CHEK1: variants seen among roughly 807,000 people sequenced by gnomAD.
CHEK1 encodes checkpoint kinase 1.
Under a neutral mutation model 60.2 loss-of-function variants are expected in CHEK1, and 32 were observed. The ratio of observed to expected loss-of-function variants is 0.53; its 90% CI spans 0.40 to 0.71. The LOEUF is 0.71. Ranked by LOEUF, CHEK1 falls within the 30% of genes least tolerant of loss-of-function variation. The pLI is 0.00. For missense variants in CHEK1, 399 were observed against 564.6 expected (o/e 0.71, Z 2.97); for synonymous variants, 179 against 187.2 (o/e 0.96, Z 0.36).
At chr11:125,646,388 G>A (rs1473676949) in intron 11 of CHEK1, among the ~76,000 whole-genome samples, 1 of 151,974 alleles carries the variant, frequency 6.6e-6, no homozygotes, top group Non-Finnish European at 1.5e-5. Flanking sequence ...TGGACATTTG[G>A]GTTGTTTCTA....
At chr11:125,639,548 T>C (rs1029233625) in intron 8 of CHEK1, among the ~76,000 whole-genome samples, 1 of 151,994 alleles carries the variant, frequency 6.6e-6, no homozygotes, top group Non-Finnish European at 1.5e-5. Context: ...GGCTAATTTT[T>C]ATATTTTTAG....
At chr11:125,667,083 G>A (rs1240885018) in intron 13 of CHEK1, among the ~76,000 whole-genome samples, 1 of 151,882 alleles carries the variant, frequency 6.6e-6, no homozygotes, top group East Asian at 1.9e-4. Context: ...GAGGCTTGGG[G>A]TCCCAGTGAT....
At chr11:125,650,338 T>A (rs1941668731) in intron 11 of CHEK1, among the ~76,000 whole-genome samples, 1 of 152,146 alleles carries the variant, frequency 6.6e-6, no homozygotes. Flanking sequence ...GCTTTGTAAT[T>A]TTTTGTTGAA....
At chr11:125,641,569 A>C (rs1941305447) in intron 8 of CHEK1, among the ~76,000 whole-genome samples, 1 of 152,164 alleles carries the variant, frequency 6.6e-6, no homozygotes, top group Non-Finnish European at 1.5e-5. Context: ...GGCATCTCAC[A>C]CTTGATGAAT....
intron 13 of CHEK1, among the ~76,000 whole-genome samples, chr11:125,666,951 TTTG>T (rs954007836): frequency 1.1e-4 from 16 of 151,944 alleles, no homozygotes; most frequent in Middle Eastern, 3.4e-3. Context: ...TCAGACAACT[TTTG>T]TTGTTGTTGT....
chr11:125,647,565 T>A (rs1200513082), intron 11 of CHEK1, among the ~76,000 whole-genome samples: 4 of 152,090 alleles, frequency 2.6e-5, no homozygotes, highest in Non-Finnish European at 5.9e-5. Flanking sequence ...AAGAAAAAAA[T>A]TTGGAATTTT....
At chr11:125,678,298 C>G (rs1316727624), downstream of CHEK1, 7 of 1,612,890 alleles carry the variant, frequency 4.3e-6, no homozygotes, top group Non-Finnish European at 5.1e-6. Context: ...CTTGATGTTC[C>G]TGGGATGGAG....
In CHEK1 at chr11:125,653,932, C is replaced by A; in HGVS notation, c.1335+85C>A. The A allele has an allele frequency of 1.4e-6, 1 of 713,364 alleles. No individual in the cohort carries two copies. The highest frequency in any genetic ancestry group is 2.3e-6 in the Non-Finnish European group (1 of 441,162). The allele number at this position is 713,364 out of a possible 1,614,324, so 44.2% of individuals were successfully genotyped here. A position where few individuals can be genotyped will look rare whatever the true frequency, so the allele number is the denominator to read the frequency against. ...TGGCATTATGTTTGTATATATGTGG[C>A]ATTTGTAAATAGGTTACTTGCTTTT... On this transcript the variant is annotated intron_variant, in intron 12 of 12. Transcript: ENST00000438015. This position sits in a 1 kb window ranked among gnomAD's most constrained non-coding sequence, Gnocchi z 4.3.
chr11:125,676,445 A>G (rs1464660606), downstream of CHEK1: 1 of 1,614,144 alleles, frequency 6.2e-7, no homozygotes, highest in Admixed American at 1.7e-5. Context: ...TTGATCATTC[A>G]TATAAGCACA....
downstream of CHEK1, chr11:125,657,168 T>C: frequency 6.1e-6 from 1 of 164,390 alleles, no homozygotes; most frequent in East Asian, 1.1e-4. Context: ...CAAATTTTGA[T>C]GGAAAAATCA....
intron 13 of CHEK1, among the ~76,000 whole-genome samples, chr11:125,670,410 TACATAGTAG>T (rs1295195424): frequency 6.6e-6 from 1 of 152,216 alleles, no homozygotes; most frequent in Non-Finnish European, 1.5e-5. Flanking sequence ...AATTTTTTAT[TACATAGTAG>T]ACATAGTAAA....
At chr11:125,676,133 C>G in exon 14 of CHEK1, 1 of 462,716 alleles carries the variant, frequency 2.2e-6, no homozygotes, top group Non-Finnish European at 3.9e-6. Flanking sequence ...ATCTGGAACT[C>G]CTGACCTCAA....
downstream of CHEK1, among the ~76,000 whole-genome samples, chr11:125,680,137 T>C (rs1022794686): frequency 6.6e-6 from 1 of 152,046 alleles, no homozygotes; most frequent in African/African-American, 2.4e-5. Flanking sequence ...TTATAGAAAA[T>C]ACATTGTTTT....
downstream of CHEK1, chr11:125,678,394 A>C: frequency 6.9e-7 from 1 of 1,440,844 alleles, no homozygotes; most frequent in African/African-American, 1.4e-5. Flanking sequence ...TGAGACTCCT[A>C]GGTTTCCTAT....
intron 13 of CHEK1, among the ~76,000 whole-genome samples, chr11:125,663,023 A>C (rs1454233527): frequency 6.6e-6 from 1 of 152,018 alleles, no homozygotes; most frequent in African/African-American, 2.4e-5. Flanking sequence ...TCTTTGGTGA[A>C]ATATCTCTTC....
At chr11:125,675,101 C>A (rs923927391) in intron 13 of CHEK1, among the ~76,000 whole-genome samples, 1 of 152,190 alleles carries the variant, frequency 6.6e-6, no homozygotes, top group African/African-American at 2.4e-5. Context: ...ATTCTATTCC[C>A]AGAGATCCTG....
At chr11:125,680,657 C>T (rs1028616980), downstream of CHEK1, 5 of 1,407,536 alleles carry the variant, frequency 3.6e-6, no homozygotes, top group African/African-American at 7.2e-5. Context: ...ACTGGTCTTC[C>T]TTCTTCAAGG....
chr11:125,654,523 TATA>T (rs1003758142), intron 12 of CHEK1, among the ~76,000 whole-genome samples: 1 of 152,338 alleles, frequency 6.6e-6, no homozygotes, highest in African/African-American at 2.4e-5. Flanking sequence ...CTTTACCAGT[TATA>T]ATAATTCTGT....
Position 125,627,329 on chromosome 11 carries a change from A to G in CHEK1, c.66-278A>G, listed in dbSNP as rs73616025. 4.5e-3 allele frequency among the ~76,000 whole-genome samples: 682 copies of G among 152,354 alleles called. 6 individuals carry two copies. The highest frequency in any genetic ancestry group is 0.015 in the African/African-American group (632 of 41,572). ...AAAAGTATATGAGTAGAACATGTAT[A>G]TATGTGATGTGGCTTAGAATTATCT... On this transcript the variant is annotated intron_variant, in intron 2 of 12. Transcript: ENST00000438015.
Sources: allele counts gnomAD v4.1 joint callset (sites outside exome capture counted in the v4.1 genomes callset), GRCh38; gene constraint gnomAD v4.1.1; non-coding constraint Gnocchi (gnomAD v3.1); transcripts MANE v1.5; gene names NCBI Gene and HGNC (gene_info 2026-07-23, HGNC 2026-07-21).